The following PRR16 variants were observed in gnomAD, a reference collection of about 807,000 sequenced individuals.
The protein encoded by PRR16 is protein Largen.
Under a neutral mutation model 18.2 loss-of-function variants are expected in PRR16, and 6 were observed. The observed-to-expected ratio is 0.33, with a 90% CI of 0.18 to 0.65. The LOEUF (loss-of-function observed/expected upper bound fraction) is 0.65. Among genes scored for constraint, PRR16 ranks in the 30% least tolerant of loss-of-function variants. PRR16 has a pLI of 0.74. For missense variants in PRR16, 412 were observed against 376.6 expected, an observed-to-expected ratio of 1.09 and a Z score of -0.78; for synonymous variants, 151 against 147.8, an observed-to-expected ratio of 1.02 and a Z score of -0.16.
chr5:120,670,294 A>G (rs1199493631), intron 1 of PRR16, among the ~76,000 whole-genome samples: 3 of 152,152 alleles, frequency 2.0e-5, no homozygotes, highest in African/African-American at 7.2e-5. Context: ...CTATGGATCC[A>G]CTAAATTCTC....
chr5:120,633,620 G>A (rs555599815), intron 1 of PRR16, among the ~76,000 whole-genome samples: 111 of 152,054 alleles, frequency 7.3e-4, no homozygotes, highest in African/African-American at 2.5e-3. Context: ...AGTTAGATAA[G>A]ACAAAGAGGG....
rs759431159 is a variant in PRR16 at position 120,685,930 on chromosome 5, C to T, written c.160-24C>T. On this transcript the variant is annotated intron_variant, in intron 1 of 1. Transcript: ENST00000407149. The stretch of plus-strand genomic sequence containing the variant: ...ACTTTGTTTGGGTCATTCTTCAAAA[C>T]AATTACCTTGTCCTTTCCACTAGGT... 8.2e-6 allele frequency: 13 copies of T among 1,589,068 alleles called. No individual in the cohort carries two copies. The Middle Eastern group carries it at 1.0e-3, about 125-fold the overall frequency.
At chr5:120,552,325 C>T (rs1035743596) in intron 1 of PRR16, among the ~76,000 whole-genome samples, 3 of 151,702 alleles carry the variant, frequency 2.0e-5, no homozygotes, top group South Asian at 4.2e-4. Flanking sequence ...TTCTTATTGA[C>T]GTTTGCTGGG....
At chr5:120,766,406 A>T in the PRR16 span, among the ~76,000 whole-genome samples, 2 of 151,854 alleles carry the variant, frequency 1.3e-5, no homozygotes, top group Non-Finnish European at 2.9e-5. Context: ...TCCAATGTGA[A>T]CCCTCTATTC....
the PRR16 span, among the ~76,000 whole-genome samples, chr5:120,702,587 CAGAG>C: frequency 6.6e-6 from 1 of 152,240 alleles, no homozygotes; most frequent in Non-Finnish European, 1.5e-5. Context: ...GGTGAATAAT[CAGAG>C]AGGTGTCCGT....
At chr5:120,638,976 A>T (rs1293418232) in intron 1 of PRR16, among the ~76,000 whole-genome samples, 1 of 152,118 alleles carries the variant, frequency 6.6e-6, no homozygotes, top group African/African-American at 2.4e-5. Flanking sequence ...AATTAATTTC[A>T]TGGAGTTCTC....
chr5:120,600,951 A>C (rs1584467), intron 1 of PRR16, among the ~76,000 whole-genome samples: 1,701 of 151,962 alleles, frequency 0.011, 27 homozygotes, highest in African/African-American at 0.039. Context: ...TATGTACCAC[A>C]TTTTCTTTAT....
At chr5:120,570,400 C>A (rs1362770149) in intron 1 of PRR16, among the ~76,000 whole-genome samples, 1 of 152,082 alleles carries the variant, frequency 6.6e-6, no homozygotes, top group African/African-American at 2.4e-5. Context: ...GAAAAGACAA[C>A]CGCCAAATGC....
chr5:120,659,655 A>G (rs1053402092), intron 1 of PRR16, among the ~76,000 whole-genome samples: 2 of 152,024 alleles, frequency 1.3e-5, no homozygotes, highest in Middle Eastern at 3.4e-3. Context: ...TTTTTCTTTC[A>G]TCTTCTGGGT....
chr5:120,551,915 C>T (rs150678447), intron 1 of PRR16, among the ~76,000 whole-genome samples: 3 of 152,050 alleles, frequency 2.0e-5, no homozygotes, highest in African/African-American at 7.2e-5. Context: ...TGAATATTTT[C>T]ACCAAGAATT....
chr5:120,523,632 A>T (rs1751258329), intron 1 of PRR16, among the ~76,000 whole-genome samples: 1 of 152,118 alleles, frequency 6.6e-6, no homozygotes, highest in Non-Finnish European at 1.5e-5. Flanking sequence ...TCTTCATACT[A>T]AACTATAAAC....
rs573106372 is a variant in PRR16, at chr5:120,502,714, C to T, written c.159+38069C>T. On this transcript the variant is annotated intron_variant, in intron 1 of 1. Coordinates refer to ENST00000407149, the MANE Select transcript of PRR16 (RefSeq NM_001300783.2). ...TCTTTTTATTAGTCGAAGCATGTGACCTTGCCATTTTTGTCGGTCAAAATG... is the reference window on the plus strand; with the variant it reads ...TCTTTTTATTAGTCGAAGCATGTGATCTTGCCATTTTTGTCGGTCAAAATG... Among the ~76,000 whole-genome samples the T allele has an allele frequency of 1.1e-4, 16 of 152,234 alleles. 1 individual carries two copies. In the South Asian group the frequency reaches 3.3e-3, roughly 32 times the overall value.
chr5:120,505,736 T>C (rs1306579686), intron 1 of PRR16, among the ~76,000 whole-genome samples: 1 of 148,046 alleles, frequency 6.8e-6, no homozygotes, highest in Non-Finnish European at 1.5e-5. Flanking sequence ...GATTAATTTC[T>C]CAAAAGCTAT....
chr5:120,551,988 T>G (rs1752268643), intron 1 of PRR16, among the ~76,000 whole-genome samples: 1 of 151,936 alleles, frequency 6.6e-6, no homozygotes, highest in Non-Finnish European at 1.5e-5. Flanking sequence ...GAAAATAACT[T>G]TCTTGCTGAA....
chr5:120,784,030 C>G, the PRR16 span, among the ~76,000 whole-genome samples: 1 of 152,144 alleles, frequency 6.6e-6, no homozygotes, highest in Non-Finnish European at 1.5e-5. Context: ...CATGTAATTA[C>G]AAAGGATATC....
the PRR16 span, among the ~76,000 whole-genome samples, chr5:120,738,600 T>C: frequency 6.6e-6 from 1 of 152,186 alleles, no homozygotes; most frequent in Non-Finnish European, 1.5e-5. Context: ...AGTAAAAACC[T>C]ATGAACATAT....
intron 1 of PRR16, among the ~76,000 whole-genome samples, chr5:120,602,122 G>A (rs1754003669): frequency 6.6e-6 from 1 of 151,946 alleles, no homozygotes; most frequent in African/African-American, 2.4e-5. Context: ...TATTTTGATA[G>A]GAATAACATT....
chr5:120,596,209 G>T (rs572624042), intron 1 of PRR16, among the ~76,000 whole-genome samples: 1 of 150,896 alleles, frequency 6.6e-6, no homozygotes, highest in East Asian at 2.0e-4. Context: ...TGGGCTCATG[G>T]AATATGAGAA....
chr5:120,505,854 G>T (rs954179356), intron 1 of PRR16, among the ~76,000 whole-genome samples: 2 of 150,708 alleles, frequency 1.3e-5, no homozygotes, highest in East Asian at 1.9e-4. Flanking sequence ...ATATATGTAT[G>T]TATATACACA....
Sources: allele counts gnomAD v4.1 joint callset (sites outside exome capture counted in the v4.1 genomes callset), GRCh38; gene constraint gnomAD v4.1.1; transcripts MANE v1.5; gene names NCBI Gene and HGNC (gene_info 2026-07-23, HGNC 2026-07-21).